Variants in CFAP221 observed in about 807,000 individuals in gnomAD.
CFAP221 encodes the protein cilia- and flagella-associated protein 221.
In CFAP221, 97 loss-of-function variants were observed where a neutral mutation model predicts 113.1. The ratio of observed to expected loss-of-function variants is 0.86; its 90% CI spans 0.73 to 1.02. CFAP221 has a LOEUF of 1.02. Ranked by LOEUF, CFAP221 falls within the 50% of genes least tolerant of loss-of-function variation. The pLI is 0.00. For synonymous variants in CFAP221, 331 were observed against 354.4 expected, an observed-to-expected ratio of 0.93 and a Z score of 0.74; for missense variants, 1,025 against 1,013.4, an observed-to-expected ratio of 1.01 and a Z score of -0.16.
intron 2 of CFAP221, among the ~76,000 whole-genome samples, chr2:119,548,512 A>G (rs534080263): frequency 6.6e-6 from 1 of 152,352 alleles, no homozygotes; most frequent in African/African-American, 2.4e-5. Context: ...TTGTGAGCTC[A>G]GCCGTTTAAA....
rs145921492 is a variant in CFAP221 at position 119,595,298 on chromosome 2, A to C, written c.632-5920A>C. 6.8e-4 allele frequency among the ~76,000 whole-genome samples: 104 copies of C among 152,346 alleles called. 1 individual carries two copies. The highest frequency in any genetic ancestry group is 2.4e-3 in the African/African-American group (100 of 41,572). ...CCAGGGCTGTGACTCTTACTTTAGG[A>C]GAAATCTGCACCTCTTGGTTCTCGG... On this transcript the variant is annotated intron_variant, in intron 7 of 23. Coordinates refer to ENST00000413369, the MANE Select transcript of CFAP221 (RefSeq NM_001271049.2).
intron 13 of CFAP221, among the ~76,000 whole-genome samples, chr2:119,613,383 C>T (rs1422910208): frequency 1.3e-5 from 2 of 152,238 alleles, no homozygotes; most frequent in African/African-American, 4.8e-5. Context: ...TTGTACTGCT[C>T]TAGCAGAGGT....
At chr2:119,642,266 A>G (rs1439657269) in intron 21 of CFAP221, among the ~76,000 whole-genome samples, 2 of 152,224 alleles carry the variant, frequency 1.3e-5, no homozygotes, top group Non-Finnish European at 2.9e-5. Flanking sequence ...ACTCTAGGTC[A>G]TGTTTTTATT....
chr2:119,647,162 A>G, intron 22 of CFAP221, 112 bp downstream of exon 22: 1 of 767,178 alleles, frequency 1.3e-6, no homozygotes, highest in Non-Finnish European at 2.1e-6. Flanking sequence ...TTGCAACTCA[A>G]ATGAGAAGAT....
At chr2:119,561,992 G>T in intron 5 of CFAP221, 22 bp from the exon 6 acceptor site, 1 of 1,482,278 alleles carries the variant, frequency 6.7e-7, no homozygotes, top group South Asian at 1.2e-5. Flanking sequence ...TGTTAAACTT[G>T]ACTTTTTCTG....
chr2:119,642,455 G>A (rs572156718), intron 21 of CFAP221, among the ~76,000 whole-genome samples: 39 of 151,836 alleles, frequency 2.6e-4, no homozygotes, highest in Non-Finnish European at 5.1e-4. Context: ...GTCTGGTGAG[G>A]GCCAGCTTCC....
chr2:119,593,086 A>G (rs1263895818), intron 7 of CFAP221, among the ~76,000 whole-genome samples: 1 of 152,246 alleles, frequency 6.6e-6, no homozygotes, highest in Non-Finnish European at 1.5e-5. Flanking sequence ...TTCCTCAGGA[A>G]TACCAATTAT....
intron 7 of CFAP221, among the ~76,000 whole-genome samples, chr2:119,594,150 G>A (rs897263294): frequency 2.6e-5 from 4 of 152,068 alleles, no homozygotes; most frequent in African/African-American, 4.8e-5. Context: ...CTTGAATTCT[G>A]GTGACTATTC....
chr2:119,631,036 T>A (rs1686740229), intron 19 of CFAP221, 135 bp downstream of exon 19: 3 of 1,413,466 alleles, frequency 2.1e-6, no homozygotes, highest in African/African-American at 1.4e-5. Context: ...TGACCTTTAA[T>A]ATTGTTTGCC....
At chr2:119,577,512 A>G (rs1288665433) in intron 6 of CFAP221, among the ~76,000 whole-genome samples, 2 of 152,186 alleles carry the variant, frequency 1.3e-5, no homozygotes, top group East Asian at 1.9e-4. Context: ...TTTCTGTAAT[A>G]TTAGAGACCT....
At position 119,563,659 on chromosome 2, in the gene CFAP221, G is replaced by A. The variant is rs554048375; in HGVS notation, c.527+1545G>A. 4.6e-5 allele frequency among the ~76,000 whole-genome samples: 7 copies of A among 152,152 alleles called. No individual in the cohort carries two copies. In the South Asian group the frequency reaches 1.0e-3, roughly 23 times the overall value. On this transcript the variant is annotated intron_variant, in intron 6 of 23. Transcript: ENST00000413369. ...GCTTTATACAGTATTCACTCTGATT[G>A]ATTGCTGTCTGTGAAGTGCTGATGG...
Position 119,601,377 on chromosome 2 carries a change from C to T in CFAP221, c.791C>T (p.Pro264Leu), listed in dbSNP as rs1394966100. The change falls in exon 8 of 24, where the codon CCA becomes CTA. Residue 264 changes from proline to leucine, a missense_variant and splice_region_variant. By Grantham distance (98) the Pro-to-Leu change is moderately conservative. Coordinates refer to ENST00000413369, the MANE Select transcript of CFAP221 (RefSeq NM_001271049.2). ...ACATGCTATCCCAACATGGCCTTAC[C>T]GTATGGCGTCTTTGCAGTGTTTTTG... ...TGTCYPNMAL[P>L]LEEFERLNTL... The T allele has an allele frequency of 1.2e-5, 18 of 1,507,190 alleles. No individual in the cohort carries two copies. The highest frequency in any genetic ancestry group is 1.7e-4 in the Middle Eastern group (1 of 5,918). 93.4% of individuals were successfully genotyped at this position (1,507,190 alleles called of 1,614,324 possible).
At chr2:119,647,090 C>G in intron 22 of CFAP221, 40 bp downstream of exon 22, 1 of 1,529,334 alleles carries the variant, frequency 6.5e-7, no homozygotes, top group Non-Finnish European at 8.9e-7. Flanking sequence ...CTAATGTGGT[C>G]TGTTTTCCAA....
rs771608926 is a variant in CFAP221, at chr2:119,572,494, C to T, written c.527+10380C>T. 3 of 670,380 alleles carry T rather than the reference C, an allele frequency of 4.5e-6. No individual in the cohort carries two copies. In the South Asian group the frequency reaches 4.8e-5, roughly 11 times the overall value. 41.5% of individuals were successfully genotyped at this position (670,380 alleles called of 1,614,324 possible). The stretch of plus-strand genomic sequence containing the variant: ...TACAGAAATTTTATATTTTTCCATT[C>T]CCATGGTTCTAAAAAGATTCATGTT... On this transcript the variant is annotated intron_variant, in intron 6 of 23. Transcript: ENST00000413369.
At chr2:119,568,880 G>A (rs1331674954) in intron 6 of CFAP221, among the ~76,000 whole-genome samples, 2 of 152,112 alleles carry the variant, frequency 1.3e-5, no homozygotes, top group Non-Finnish European at 2.9e-5. Context: ...TTTCTCGCAA[G>A]GCAGGTCCAC....
At chr2:119,566,305 A>G (rs766871423) in intron 6 of CFAP221, among the ~76,000 whole-genome samples, 39 of 152,214 alleles carry the variant, frequency 2.6e-4, no homozygotes, top group Non-Finnish European at 4.0e-4. Flanking sequence ...GCATGTTACC[A>G]TGCACTAACA....
chr2:119,630,951 C>T, intron 19 of CFAP221, 50 bp downstream of exon 19: 1 of 1,600,604 alleles, frequency 6.2e-7, no homozygotes, highest in Non-Finnish European at 8.5e-7. Flanking sequence ...TTTATTTCAG[C>T]AATTACTCTA....
chr2:119,637,141 T>C (rs1687165501), intron 19 of CFAP221, among the ~76,000 whole-genome samples: 1 of 152,210 alleles, frequency 6.6e-6, no homozygotes, highest in Non-Finnish European at 1.5e-5. Flanking sequence ...TGTATGCTTG[T>C]TTCCACATTA....
At chr2:119,575,106 T>C (rs1466422708) in intron 6 of CFAP221, among the ~76,000 whole-genome samples, 1 of 152,174 alleles carries the variant, frequency 6.6e-6, no homozygotes. Context: ...AGATGGTCAG[T>C]GTGTGGTTTC....
Sources: allele counts gnomAD v4.1 joint callset (sites outside exome capture counted in the v4.1 genomes callset), GRCh38; gene constraint gnomAD v4.1.1; transcripts MANE v1.5; gene names NCBI Gene and HGNC (gene_info 2026-07-23, HGNC 2026-07-21).